The following SLC25A26 variants were observed in gnomAD, a reference collection of about 807,000 sequenced individuals.
SLC25A26 encodes the protein solute carrier family 25 member 26.
In SLC25A26, 36 loss-of-function variants were observed where a neutral mutation model predicts 37.8. That is an observed-to-expected ratio of 0.95 (90% confidence interval 0.73 to 1.26). SLC25A26 has a LOEUF of 1.26. Ranked by LOEUF, SLC25A26 falls within the 50% of genes most tolerant of loss-of-function variation. SLC25A26 has a pLI of 0.00. For synonymous variants in SLC25A26, 129 were observed against 122.5 expected (o/e 1.05, Z -0.35); for missense variants, 390 against 331.1 (o/e 1.18, Z -1.38).
At chr3:66,173,476 C>A (rs2070529757) in intron 1 of SLC25A26, among the ~76,000 whole-genome samples, 1 of 152,126 alleles carries the variant, frequency 6.6e-6, no homozygotes, top group Admixed American at 6.5e-5. Context: ...GGTTCATAAG[C>A]CGGGAGTGGA....
chr3:66,140,824 G>T (rs2070022406), intron 1 of SLC25A26, among the ~76,000 whole-genome samples: 1 of 152,068 alleles, frequency 6.6e-6, no homozygotes, highest in Admixed American at 6.6e-5. Context: ...TTTAACAACT[G>T]CAGTACTAAA....
intron 5 of SLC25A26, among the ~76,000 whole-genome samples, chr3:66,275,519 C>T (rs1486942392): frequency 2.0e-5 from 3 of 151,992 alleles, no homozygotes; most frequent in African/African-American, 7.2e-5. Flanking sequence ...AAGAGTGTGG[C>T]ACATAGCACA....
At chr3:66,165,665 C>G (rs1217517479) in intron 1 of SLC25A26, among the ~76,000 whole-genome samples, 2 of 152,098 alleles carry the variant, frequency 1.3e-5, no homozygotes, top group Non-Finnish European at 2.9e-5. Context: ...GGATGAATAA[C>G]TGTCAGAAAA....
rs181781574 is a variant in SLC25A26, at chr3:66,240,201, A to G, written c.191-3002A>G. Reference sequence around the variant, plus strand: ...TGGATACTCCGCAACACCTGAACTCACTATAATAGCAAGAGGAGGTGGCAA... The same window carrying G: ...TGGATACTCCGCAACACCTGAACTCGCTATAATAGCAAGAGGAGGTGGCAA... On this transcript the variant is annotated intron_variant, in intron 2 of 9. Coordinates refer to ENST00000354883, the MANE Select transcript of SLC25A26 (RefSeq NM_001379210.1). 1.2e-3 allele frequency among the ~76,000 whole-genome samples: 178 copies of G among 152,298 alleles called. 3 individuals carry two copies. Among genetic ancestry groups the G allele is most frequent in the Admixed American group, 9.0e-3 (138 of 15,306 alleles).
At chr3:66,184,559 A>G (rs1425790931) in intron 1 of SLC25A26, among the ~76,000 whole-genome samples, 1 of 12,614 alleles carries the variant, frequency 7.9e-5, no homozygotes, top group Non-Finnish European at 1.6e-4. Context: ...ACTCATCCTC[A>G]TCAGGACCGT....
chr3:66,279,106 A>G (rs1032713190), intron 5 of SLC25A26, among the ~76,000 whole-genome samples: 6 of 152,162 alleles, frequency 3.9e-5, no homozygotes, highest in Non-Finnish European at 7.3e-5. Flanking sequence ...CATTTGGGGC[A>G]TGAGCTTGTC....
At chr3:66,313,722 T>A (rs1368286580) in intron 5 of SLC25A26, among the ~76,000 whole-genome samples, 2 of 152,338 alleles carry the variant, frequency 1.3e-5, no homozygotes, top group East Asian at 3.9e-4. Context: ...GTGTGGCCAT[T>A]TTTGTAATAC....
At chr3:66,331,256 A>C (rs2075967326) in intron 5 of SLC25A26, among the ~76,000 whole-genome samples, 1 of 151,944 alleles carries the variant, frequency 6.6e-6, no homozygotes, top group African/African-American at 2.4e-5. Context: ...TGTATTCACC[A>C]GTACTCTTAA....
At chr3:66,244,990 A>G (rs2072761918) in intron 3 of SLC25A26, among the ~76,000 whole-genome samples, 1 of 152,152 alleles carries the variant, frequency 6.6e-6, no homozygotes, top group East Asian at 1.9e-4. Context: ...AAAACAAAAA[A>G]CAAACAAAAA....
At chr3:66,175,969 A>G (rs960498615) in intron 1 of SLC25A26, among the ~76,000 whole-genome samples, 1 of 152,244 alleles carries the variant, frequency 6.6e-6, no homozygotes, top group Non-Finnish European at 1.5e-5. Context: ...ATGGCATAAT[A>G]TCTATCAACA....
At chr3:66,302,570 C>T (rs141887924) in intron 5 of SLC25A26, among the ~76,000 whole-genome samples, 2 of 152,226 alleles carry the variant, frequency 1.3e-5, no homozygotes, top group East Asian at 1.9e-4. Context: ...AGCGGTTCTC[C>T]ACCATGTGTT....
intron 5 of SLC25A26, among the ~76,000 whole-genome samples, chr3:66,315,490 T>C (rs558753532): frequency 2.0e-5 from 3 of 152,274 alleles, no homozygotes; most frequent in South Asian, 4.2e-4. Context: ...AGAGACTGTT[T>C]GTTATGATTT....
intron 2 of SLC25A26, among the ~76,000 whole-genome samples, chr3:66,239,615 T>G (rs149356763): frequency 0.14 from 20,904 of 152,144 alleles, 1,625 homozygotes; most frequent in East Asian, 0.31. Context: ...TTCACCTTCC[T>G]TTTGTTTGAT....
At chr3:66,306,014 T>G (rs2107579871) in intron 5 of SLC25A26, among the ~76,000 whole-genome samples, 1 of 152,260 alleles carries the variant, frequency 6.6e-6, no homozygotes, top group East Asian at 1.9e-4. Context: ...AGATGGAGTC[T>G]CGCTCTGTTG....
chr3:66,165,796 C>T (rs1341869723), intron 1 of SLC25A26, among the ~76,000 whole-genome samples: 3 of 152,000 alleles, frequency 2.0e-5, no homozygotes, highest in African/African-American at 2.4e-5. Flanking sequence ...AAACAAAATA[C>T]GGAAAAAATC....
intron 1 of SLC25A26, among the ~76,000 whole-genome samples, chr3:66,208,974 G>GTGTATATA (rs1224075955): frequency 1.1e-4 from 9 of 83,130 alleles, no homozygotes; most frequent in African/African-American, 4.3e-4. Context: ...ATAAAGGTGT[G>GTGTATATA]TATATATATA....
intron 6 of SLC25A26, 36 bp downstream of exon 6, chr3:66,346,444 A>G: frequency 8.6e-7 from 1 of 1,156,308 alleles, no homozygotes. Flanking sequence ...ATTTGTCTCT[A>G]ATTATAACAT....
chr3:66,221,906 A>G (rs1276446750), intron 1 of SLC25A26, among the ~76,000 whole-genome samples: 1 of 151,846 alleles, frequency 6.6e-6, no homozygotes, highest in African/African-American at 2.4e-5. Context: ...ATGGAGGCCC[A>G]CAGTGATTTA....
intron 5 of SLC25A26, among the ~76,000 whole-genome samples, chr3:66,318,231 C>T (rs577447109): frequency 1.3e-4 from 20 of 152,138 alleles, no homozygotes; most frequent in Admixed American, 9.8e-4. Context: ...AGTGTCTGCT[C>T]GAGACACCAC....
Sources: allele counts gnomAD v4.1 joint callset (sites outside exome capture counted in the v4.1 genomes callset), GRCh38; gene constraint gnomAD v4.1.1; transcripts MANE v1.5; gene names NCBI Gene and HGNC (gene_info 2026-07-23, HGNC 2026-07-21).